The following TSHZ2 variants were observed in gnomAD, a reference collection of about 807,000 sequenced individuals.
TSHZ2 encodes the protein teashirt zinc finger homeobox 2.
Under a neutral mutation model 74.4 loss-of-function variants are expected in TSHZ2, and 21 were observed. The observed-to-expected ratio is 0.28, with a 90% confidence interval of 0.20 to 0.41. The LOEUF (loss-of-function observed/expected upper bound fraction) is 0.41, where lower values mean the gene tolerates loss of function less well. Ranked by LOEUF, TSHZ2 falls within the 10% of genes least tolerant of loss-of-function variation. The probability of loss-of-function intolerance (pLI) is 1.00; values close to 1 mark genes in which losing one functional copy is unlikely to be tolerated. For synonymous variants in TSHZ2, 540 were observed against 515.3 expected, an observed-to-expected ratio of 1.05 and a Z score of -0.65; for missense variants, 1,244 against 1,293.5, an observed-to-expected ratio of 0.96 and a Z score of 0.59.
intron 1 of TSHZ2, among the ~76,000 whole-genome samples, chr20:53,135,258 C>G (rs563409724): frequency 6.6e-6 from 1 of 152,280 alleles, no homozygotes; most frequent in South Asian, 2.1e-4. Flanking sequence ...CAGAAGAGCT[C>G]CAGCCCTCCA....
chr20:53,185,443 G>A lies in TSHZ2; in HGVS notation c.41-68056G>A, dbSNP rs192859652. 9.1e-4 allele frequency: 1,202 copies of A among 1,325,182 alleles called. 2 individuals are homozygous for A. The highest frequency in any genetic ancestry group is 9.6e-4 in the Non-Finnish European group (991 of 1,033,254). The allele number at this position is 1,325,182 out of a possible 1,614,324, so 82.1% of individuals were successfully genotyped here. On this transcript the variant is annotated intron_variant, in intron 1 of 2. Coordinates refer to ENST00000371497, the MANE Select transcript of TSHZ2 (RefSeq NM_173485.6). ...TGATTCCAGCACTTTGGGAGGCCGA[G>A]GCAGGCAGATCAGATCATGAGGTCA... is the stretch of plus-strand genomic sequence containing the variant.
intron 1 of TSHZ2, among the ~76,000 whole-genome samples, chr20:53,142,801 A>G (rs1015930354): frequency 1.3e-5 from 2 of 150,800 alleles, no homozygotes; most frequent in Admixed American, 6.6e-5. Context: ...ACCCACCCAC[A>G]AGCCGGTAAC....
intron 2 of TSHZ2, among the ~76,000 whole-genome samples, chr20:53,444,004 A>T (rs1984447419): frequency 6.6e-6 from 1 of 152,106 alleles, no homozygotes; most frequent in Non-Finnish European, 1.5e-5. Context: ...CGTCCCTGGG[A>T]ATCGTCTCTC....
intron 1 of TSHZ2, among the ~76,000 whole-genome samples, chr20:53,028,440 C>T (rs777629124): frequency 1.3e-5 from 2 of 152,240 alleles, no homozygotes; most frequent in South Asian, 2.1e-4. Context: ...TTGTTTATTG[C>T]CTAACACCTT....
At position 53,490,682 on chromosome 20, in the gene TSHZ2, G is replaced by A. The variant is rs1249645315; in HGVS notation, c.*3547G>A. On this transcript the variant is annotated 3_prime_UTR_variant, in exon 3 of 3. Coordinates refer to ENST00000371497, the MANE Select transcript of TSHZ2 (RefSeq NM_173485.6). ...GTTGTTTGAATCTTGCATAATTAATGTCACAGGCGCAAGCCGCTGAACTTA... is the reference window on the plus strand; with the variant it reads ...GTTGTTTGAATCTTGCATAATTAATATCACAGGCGCAAGCCGCTGAACTTA... 1 of 152,162 alleles carries A rather than the reference G, an allele frequency of 6.6e-6. No individual in the cohort carries two copies. The allele number at this position is 152,162 out of a possible 1,614,324, so 9.4% of individuals were successfully genotyped here. A position where few individuals can be genotyped will look rare whatever the true frequency, so the allele number is the denominator to read the frequency against.
intron 1 of TSHZ2, among the ~76,000 whole-genome samples, chr20:53,082,804 T>A (rs13038924): frequency 0.21 from 32,056 of 152,266 alleles, 4,267 homozygotes; most frequent in Non-Finnish European, 0.29. Context: ...AAGTCCGTTA[T>A]GGGAAGGTGT....
intron 2 of TSHZ2, among the ~76,000 whole-genome samples, chr20:53,380,196 A>G (rs1359122580): frequency 6.6e-6 from 1 of 152,106 alleles, no homozygotes; most frequent in Non-Finnish European, 1.5e-5. Flanking sequence ...AGGTTTATTT[A>G]AAACTGTGGT....
intron 1 of TSHZ2, among the ~76,000 whole-genome samples, chr20:53,203,054 G>T (rs574983020): frequency 2.6e-5 from 4 of 152,286 alleles, no homozygotes; most frequent in African/African-American, 9.6e-5. Flanking sequence ...ATCATTGTCA[G>T]ATTCAGAGCT....
At chr20:53,390,385 G>A (rs1982206044) in intron 2 of TSHZ2, among the ~76,000 whole-genome samples, 1 of 152,220 alleles carries the variant, frequency 6.6e-6, no homozygotes, top group Non-Finnish European at 1.5e-5. Flanking sequence ...TGAAAAGGAA[G>A]TTATCCACCT....
intron 1 of TSHZ2, among the ~76,000 whole-genome samples, chr20:53,047,424 AT>A (rs1482817018): frequency 6.6e-6 from 1 of 152,114 alleles, no homozygotes; most frequent in Admixed American, 6.5e-5. Flanking sequence ...TTCTACCATT[AT>A]ATGCACATTC....
intron 1 of TSHZ2, among the ~76,000 whole-genome samples, chr20:53,162,142 G>A (rs989795558): frequency 5.3e-5 from 8 of 152,086 alleles, no homozygotes; most frequent in African/African-American, 1.7e-4. Context: ...CCTTCCAAGA[G>A]TGTTTTGTGG....
chr20:53,370,539 T>G (rs546823623), intron 2 of TSHZ2, among the ~76,000 whole-genome samples: 1 of 152,148 alleles, frequency 6.6e-6, no homozygotes, highest in African/African-American at 2.4e-5. Flanking sequence ...GGCAGACGGA[T>G]AGATTGAGCC....
At chr20:53,053,198 G>A (rs1411522917) in intron 1 of TSHZ2, among the ~76,000 whole-genome samples, 2 of 152,142 alleles carry the variant, frequency 1.3e-5, no homozygotes, top group Admixed American at 6.5e-5. Context: ...TTCAAGATTC[G>A]TTCATGTTGT....
At chr20:53,456,096 A>C (rs1328066275) in intron 2 of TSHZ2, among the ~76,000 whole-genome samples, 1 of 152,004 alleles carries the variant, frequency 6.6e-6, no homozygotes, top group Non-Finnish European at 1.5e-5. Context: ...TGGCTGGGTC[A>C]AATGGTATTT....
chr20:53,029,225 T>C (rs1391913029), intron 1 of TSHZ2, among the ~76,000 whole-genome samples: 2 of 152,338 alleles, frequency 1.3e-5, no homozygotes, highest in East Asian at 3.9e-4. Context: ...CGTTTTCCTC[T>C]ATAGCTTTAC....
At chr20:53,464,774 T>C (rs968956453) in intron 2 of TSHZ2, among the ~76,000 whole-genome samples, 1 of 152,094 alleles carries the variant, frequency 6.6e-6, no homozygotes, top group African/African-American at 2.4e-5. Context: ...AGTCAGTATT[T>C]TTCTTTCTAA....
intron 1 of TSHZ2, among the ~76,000 whole-genome samples, chr20:52,988,795 A>G (rs547878713): frequency 8.3e-4 from 127 of 152,302 alleles, no homozygotes; most frequent in Middle Eastern, 3.4e-3. Flanking sequence ...GGGGCGTCTC[A>G]GTAAGAATCG....
At chr20:53,455,774 T>C (rs990241736) in intron 2 of TSHZ2, among the ~76,000 whole-genome samples, 2 of 149,220 alleles carry the variant, frequency 1.3e-5, no homozygotes, top group Admixed American at 1.3e-4. Flanking sequence ...TGTGATCTCA[T>C]TGTTCAATTC....
At chr20:53,022,423 G>A (rs932358135) in intron 1 of TSHZ2, among the ~76,000 whole-genome samples, 1 of 152,116 alleles carries the variant, frequency 6.6e-6, no homozygotes, top group African/African-American at 2.4e-5. Context: ...CCCATGCCAC[G>A]TTTTACTGGA....
Sources: gnomAD v4.1 joint callset for allele counts (sites outside exome capture counted in the v4.1 genomes callset) on GRCh38, gnomAD v4.1.1 for gene constraint, MANE v1.5 for transcripts, NCBI Gene and HGNC (gene_info 2026-07-23, HGNC 2026-07-21) for gene names.